Variants in VRK2 observed in about 807,000 individuals in gnomAD.
VRK2 encodes serine/threonine-protein kinase VRK2.
Under a neutral mutation model 57.6 loss-of-function variants are expected in VRK2, and 60 were observed. The ratio of observed to expected loss-of-function variants is 1.04; its 90% CI spans 0.85 to 1.29. The LOEUF is 1.29. VRK2 is among the 50% of genes most tolerant of loss of function. The pLI is 0.00. For synonymous variants in VRK2, 231 were observed against 199.2 expected (o/e 1.16, Z -1.35); for missense variants, 705 against 588.1 (o/e 1.20, Z -2.06).
rs766595008 is a variant in VRK2, at chr2:58,086,435, G to A, written c.344+9G>A. The A allele has an allele frequency of 5.7e-6, 9 of 1,566,684 alleles. No individual in the cohort carries two copies. Among genetic ancestry groups the A allele is most frequent in the Admixed American group, 2.0e-5 (1 of 49,458 alleles). On this transcript the variant is annotated intron_variant, in intron 5 of 12. Coordinates refer to ENST00000340157, the MANE Select transcript of VRK2 (RefSeq NM_006296.7). ...GAATTCAAGGGAAGAAGGTAAAATG[G>A]AATTATTATAATCAAATATTTCTTT...
chr2:58,144,063 C>T (rs1681750551), intron 11 of VRK2, among the ~76,000 whole-genome samples: 1 of 151,280 alleles, frequency 6.6e-6, no homozygotes, highest in Non-Finnish European at 1.5e-5. Flanking sequence ...GAATATTATT[C>T]AGCCATAAAA....
intron 1 of VRK2, among the ~76,000 whole-genome samples, chr2:57,923,893 A>G (rs781169932): frequency 6.6e-6 from 1 of 151,662 alleles, no homozygotes; most frequent in Non-Finnish European, 1.5e-5. Context: ...TTTTTATTTG[A>G]TTTTTGTATG....
chr2:58,113,750 C>A (rs530598041), intron 7 of VRK2, among the ~76,000 whole-genome samples: 1 of 152,030 alleles, frequency 6.6e-6, no homozygotes. Flanking sequence ...TCAGTTAAGG[C>A]GGGGCAGGGC....
intron 2 of VRK2, among the ~76,000 whole-genome samples, chr2:58,057,250 A>G (rs951675906): frequency 1.8e-4 from 28 of 152,108 alleles, no homozygotes; most frequent in African/African-American, 6.5e-4. Flanking sequence ...AAAAAATTCC[A>G]TGCTCTATCC....
chr2:57,936,531 GT>G (rs539088139), intron 1 of VRK2, among the ~76,000 whole-genome samples: 2,373 of 134,890 alleles, frequency 0.018, 56 homozygotes, highest in African/African-American at 0.061. Flanking sequence ...TTGTTTTTTT[GT>G]TTTTTTTTTT....
At chr2:58,159,069 C>CTAT (rs1553431860) in intron 12 of VRK2, among the ~76,000 whole-genome samples, 3 of 152,176 alleles carry the variant, frequency 2.0e-5, no homozygotes, top group Non-Finnish European at 4.4e-5. Flanking sequence ...ATATTCTATC[C>CTAT]TATTTATTTT....
chr2:57,988,011 A>T (rs1672652153), intron 1 of VRK2, among the ~76,000 whole-genome samples: 1 of 152,166 alleles, frequency 6.6e-6, no homozygotes, highest in Non-Finnish European at 1.5e-5. Context: ...GGGAGGAAAG[A>T]TTGACCACAA....
intron 2 of VRK2, among the ~76,000 whole-genome samples, chr2:58,067,074 C>T (rs1282068948): frequency 6.6e-6 from 1 of 152,182 alleles, no homozygotes; most frequent in East Asian, 1.9e-4. Flanking sequence ...CAACCCTCAT[C>T]TTTCTCTCCT....
At chr2:58,155,523 G>C (rs1473574023) in intron 12 of VRK2, among the ~76,000 whole-genome samples, 5 of 152,086 alleles carry the variant, frequency 3.3e-5, no homozygotes. Context: ...GACCACCTCA[G>C]TAGTACAGGC....
chr2:58,157,376 G>C (rs894644120), intron 12 of VRK2, among the ~76,000 whole-genome samples: 2 of 152,102 alleles, frequency 1.3e-5, no homozygotes, highest in Non-Finnish European at 2.9e-5. Flanking sequence ...TGTTGTGGGG[G>C]TGCTGTCCTG....
chr2:58,031,677 C>A (rs914275304), intron 2 of VRK2, among the ~76,000 whole-genome samples: 1 of 152,028 alleles, frequency 6.6e-6, no homozygotes, highest in Non-Finnish European at 1.5e-5. Flanking sequence ...CTAGGTAAAA[C>A]TGACTCAAAA....
At chr2:58,058,323 C>T (rs780337654) in intron 2 of VRK2, 22 of 469,062 alleles carry the variant, frequency 4.7e-5, no homozygotes, top group Middle Eastern at 6.5e-4. Context: ...GAAGATGAAA[C>T]AAACTGTCTT....
At position 58,086,375 on chromosome 2, in the gene VRK2, T is replaced by A. The variant is rs1465414516; in HGVS notation, c.293T>A (p.Leu98Ter). ...KWIERKQLDYLGIPLFYGSGL... is the reference protein window; with the variant it reads ...KWIERKQLDY Reference sequence around the variant, plus strand: ...ATAGAACGCAAACAACTTGATTATTTAGGAATTCCTCTGTTTTATGGATCT... The same window carrying A: ...ATAGAACGCAAACAACTTGATTATTAAGGAATTCCTCTGTTTTATGGATCT... Residue 98 changes from leucine to a stop codon, truncating the protein, a stop_gained, in exon 5 of 13, where the codon TTA becomes TAA. Coordinates refer to ENST00000340157, the MANE Select transcript of VRK2 (RefSeq NM_006296.7). LOFTEE classifies it high-confidence loss of function. 6.2e-7 allele frequency: 1 copy of A among 1,605,232 alleles called. No individual in the cohort carries two copies. The highest frequency in any genetic ancestry group is 1.1e-5 in the South Asian group (1 of 88,816).
chr2:58,076,850 G>A (rs980032447), intron 2 of VRK2, among the ~76,000 whole-genome samples: 2 of 151,414 alleles, frequency 1.3e-5, no homozygotes, highest in Non-Finnish European at 1.5e-5. Context: ...ATTTTATTTT[G>A]TAACTTTTAA....
At chr2:57,921,573 A>G (rs1558493754) in intron 1 of VRK2, among the ~76,000 whole-genome samples, 3 of 152,112 alleles carry the variant, frequency 2.0e-5, no homozygotes. Flanking sequence ...GCTTAAACAA[A>G]GAGGAGAAAA....
chr2:58,042,390 G>C (rs1476852937), upstream of VRK2, among the ~76,000 whole-genome samples: 2 of 152,124 alleles, frequency 1.3e-5, no homozygotes, highest in African/African-American at 4.8e-5. Flanking sequence ...GAACTGCTTA[G>C]CTGTTTAGAG....
At chr2:58,086,127 T>C (rs1671590237) in intron 4 of VRK2, among the ~76,000 whole-genome samples, 1 of 151,742 alleles carries the variant, frequency 6.6e-6, no homozygotes, top group Non-Finnish European at 1.5e-5. Context: ...ATGACTTGTT[T>C]TTATTGATTT....
intron 1 of VRK2, among the ~76,000 whole-genome samples, chr2:57,964,235 G>A (rs1323387723): frequency 1.3e-5 from 2 of 152,088 alleles, no homozygotes; most frequent in Non-Finnish European, 2.9e-5. Context: ...TATGTTATAT[G>A]TATTATAAAC....
chr2:58,116,422 C>T (rs1187675150), intron 7 of VRK2, among the ~76,000 whole-genome samples: 1 of 151,460 alleles, frequency 6.6e-6, no homozygotes, highest in Non-Finnish European at 1.5e-5. Context: ...GTGGGGATAA[C>T]TAAAAAAGAG....
Sources: gnomAD v4.1 joint callset for allele counts (sites outside exome capture counted in the v4.1 genomes callset) on GRCh38, gnomAD v4.1.1 for gene constraint, MANE v1.5 for transcripts, NCBI Gene and HGNC (gene_info 2026-07-23, HGNC 2026-07-21) for gene names.